FBXO42: variants seen among roughly 807,000 people sequenced by gnomAD.
FBXO42 encodes F-box only protein 42.
A neutral mutation model predicts 71.7 loss-of-function variants in FBXO42; 12 were observed. The observed-to-expected ratio is 0.17, with a 90% CI of 0.11 to 0.27. The LOEUF (loss-of-function observed/expected upper bound fraction) is 0.27. Ranked by LOEUF, FBXO42 falls within the 10% of genes least tolerant of loss-of-function variation. The pLI is 1.00. For missense variants in FBXO42, 707 were observed against 911.9 expected (o/e 0.78, Z 2.89); for synonymous variants, 325 against 327.5 (o/e 0.99, Z 0.08).
At chr1:16,300,892 C>T (rs2082185465) in intron 3 of FBXO42, among the ~76,000 whole-genome samples, 1 of 140,114 alleles carries the variant, frequency 7.1e-6, no homozygotes, top group East Asian at 2.0e-4. Context: ...CTAGAATTGG[C>T]CTTTTTTTTT....
intron 1 of FBXO42, among the ~76,000 whole-genome samples, chr1:16,322,743 C>T (rs1466214324): frequency 6.6e-6 from 1 of 152,050 alleles, no homozygotes; most frequent in South Asian, 2.1e-4. Context: ...TGCTGTGAAA[C>T]CTAGCATAAG....
chr1:16,297,874 A>C lies in FBXO42; in HGVS notation c.368-2957T>G, dbSNP rs1287512847. Among the ~76,000 whole-genome samples the C allele has an allele frequency of 2.7e-5, 4 of 150,898 alleles. No homozygotes were observed. The Admixed American group carries it at 2.7e-4, about 10-fold the overall frequency. On this transcript the variant is annotated intron_variant, in intron 3 of 9. Transcript: ENST00000375592. Reference sequence around the variant, plus strand: ...AGAGTGAGACTCCATCTCAAAAAAAAAAAAAAAAAAAGTCAAGTCCAATGA... The same window carrying C: ...AGAGTGAGACTCCATCTCAAAAAAACAAAAAAAAAAAGTCAAGTCCAATGA...
At chr1:16,315,086 AG>A in intron 2 of FBXO42, 82 bp downstream of exon 2, 1 of 1,441,674 alleles carries the variant, frequency 6.9e-7, no homozygotes, top group Non-Finnish European at 9.4e-7. Flanking sequence ...CATTTAAGGG[AG>A]GAAAAAAACT....
At chr1:16,264,963 T>C (rs2081755510) in intron 4 of FBXO42, among the ~76,000 whole-genome samples, 1 of 152,224 alleles carries the variant, frequency 6.6e-6, no homozygotes, top group African/African-American at 2.4e-5. Flanking sequence ...TCTATGCCAC[T>C]TTCCCACAAT....
At chr1:16,265,773 T>C (rs1305308753) in intron 4 of FBXO42, among the ~76,000 whole-genome samples, 2 of 137,060 alleles carry the variant, frequency 1.5e-5, no homozygotes, top group African/African-American at 5.3e-5. Context: ...TTCAGATAAG[T>C]CCCTATTAAA....
rs963834868 is a variant in FBXO42 at position 16,350,520 on chromosome 1, A to G, written c.-18+1735T>C. Among the ~76,000 whole-genome samples, 4 of 132,144 alleles carry G rather than the reference A, an allele frequency of 3.0e-5. No individual in the cohort carries two copies. The South Asian group carries it at 1.1e-3, about 36-fold the overall frequency. 86.7% of individuals were successfully genotyped at this position (132,144 alleles called of 152,430 possible). On this transcript the variant is annotated intron_variant, in intron 1 of 9. Transcript: ENST00000375592. ...GGGCAGGGTATCGCTTGAGACCAGG[A>G]GTTTGAGATCAGCCTGGGCAACATC...
chr1:16,305,940 C>T, intron 2 of FBXO42, 21 bp from the exon 3 acceptor site: 2 of 1,521,790 alleles, frequency 1.3e-6, no homozygotes, highest in Non-Finnish European at 1.8e-6. Context: ...AAGAGCAAAC[C>T]CTTCAGTCCA....
At chr1:16,343,360 A>G (rs1410821920) in intron 1 of FBXO42, among the ~76,000 whole-genome samples, 2 of 151,468 alleles carry the variant, frequency 1.3e-5, no homozygotes, top group Non-Finnish European at 2.9e-5. Context: ...CGTGGGCAAC[A>G]TGGCAAAACT....
intron 2 of FBXO42, among the ~76,000 whole-genome samples, chr1:16,313,309 A>AGAGAAAGAAAGC: frequency 6.8e-6 from 1 of 146,004 alleles, no homozygotes; most frequent in African/African-American, 2.7e-5. Flanking sequence ...AGAAAGAAAG[A>AGAGAAAGAAAGC]AAGAGAAAAG....
intron 4 of FBXO42, chr1:16,292,651 A>T (rs2082091917): frequency 1.3e-5 from 2 of 152,168 alleles, no homozygotes; most frequent in South Asian, 4.1e-4. Context: ...ACTCCATATT[A>T]CAGGGAGAAA....
chr1:16,273,192 A>G (rs957487501), intron 4 of FBXO42, among the ~76,000 whole-genome samples: 1 of 152,236 alleles, frequency 6.6e-6, no homozygotes, highest in African/African-American at 2.4e-5. Flanking sequence ...GGTAACCAGC[A>G]AGTGACAGGG....
intron 4 of FBXO42, among the ~76,000 whole-genome samples, chr1:16,270,175 C>T (rs951684783): frequency 6.6e-6 from 1 of 152,104 alleles, no homozygotes; most frequent in African/African-American, 2.4e-5. Flanking sequence ...TCTTATAAAG[C>T]CACCAGTCCC....
At chr1:16,291,581 T>C (rs1386144610) in intron 4 of FBXO42, among the ~76,000 whole-genome samples, 2 of 151,532 alleles carry the variant, frequency 1.3e-5, no homozygotes, top group African/African-American at 2.4e-5. Context: ...GGGGTTTCGC[T>C]ATGTTGGCCA....
chr1:16,341,132 C>T (rs1011587458), intron 1 of FBXO42, among the ~76,000 whole-genome samples: 2 of 151,840 alleles, frequency 1.3e-5, no homozygotes, highest in African/African-American at 4.8e-5. Flanking sequence ...GGCTGAGCAG[C>T]GTATATAGTA....
In FBXO42 at chr1:16,258,633, A is replaced by C. The variant is rs78506700; in HGVS notation, c.503-1874T>G. ...TGGCCTTTCGAAGTGTTAGGATTAC[A>C]GGTGTAAGCCACTGTGCCTGTCCGT... On this transcript the variant is annotated intron_variant, in intron 4 of 9. Coordinates refer to ENST00000375592, the MANE Select transcript of FBXO42 (RefSeq NM_018994.3). Among the ~76,000 whole-genome samples the C allele has an allele frequency of 3.0e-3, 459 of 152,322 alleles. 1 individual carries two copies. The highest frequency in any genetic ancestry group is 3.6e-3 in the Non-Finnish European group (245 of 68,034).
In FBXO42 at chr1:16,251,146, G is replaced by A. The variant is rs138270569; in HGVS notation, c.1678C>T (p.Leu560=). Residue 560 remains leucine (L), a synonymous_variant, in exon 10 of 10, where the codon CTG becomes TTG. Coordinates refer to ENST00000375592, the MANE Select transcript of FBXO42 (RefSeq NM_018994.3). The surrounding 1 kb of genome is among the most constrained non-coding windows in gnomAD (Gnocchi z 4.5). ...AVSPGALRRS[L]EAIKAMSSKG... is the part of the protein sequence containing the mutation. ...GAGGACATCGCTTTGATGGCTTCCA[G>A]ACTCCGACGCAGGGCACCTGGGGAG... 31 of 1,614,052 alleles carry A rather than the reference G, an allele frequency of 1.9e-5. No individual in the cohort carries two copies. Among genetic ancestry groups the A allele is most frequent in the Non-Finnish European group, 7.6e-6 (9 of 1,180,058 alleles).
chr1:16,315,621 T>A (rs2082356171), intron 1 of FBXO42, among the ~76,000 whole-genome samples, 186 bp from the exon 2 acceptor site: 1 of 152,048 alleles, frequency 6.6e-6, no homozygotes, highest in South Asian at 2.1e-4. Flanking sequence ...ACCAAGCCCA[T>A]CCCCAAAGGC....
intron 4 of FBXO42, among the ~76,000 whole-genome samples, chr1:16,287,899 C>T (rs2082038515): frequency 6.6e-6 from 1 of 152,036 alleles, no homozygotes; most frequent in Non-Finnish European, 1.5e-5. Context: ...TGATGAAACC[C>T]TGTCTCTACT....
At chr1:16,307,699 G>A (rs542406080) in intron 2 of FBXO42, among the ~76,000 whole-genome samples, 2 of 152,046 alleles carry the variant, frequency 1.3e-5, no homozygotes, top group Admixed American at 6.6e-5. Flanking sequence ...ATATACATTC[G>A]CACCAAAAAA....
Sources: allele counts gnomAD v4.1 joint callset (sites outside exome capture counted in the v4.1 genomes callset), GRCh38; gene constraint gnomAD v4.1.1; non-coding constraint Gnocchi (gnomAD v3.1); transcripts MANE v1.5; gene names NCBI Gene and HGNC (gene_info 2026-07-23, HGNC 2026-07-21).